The following MCU variants were observed in gnomAD, a reference collection of about 807,000 sequenced individuals.
MCU encodes mitochondrial calcium uniporter.
In MCU, 12 loss-of-function variants were observed where a neutral mutation model predicts 45.2. That is an observed-to-expected ratio of 0.27 (90% CI 0.17 to 0.43). MCU has a LOEUF of 0.43. Among genes scored for constraint, MCU ranks in the 20% least tolerant of loss-of-function variants. The pLI is 1.00. For synonymous variants in MCU, 160 were observed against 165.1 expected, an observed-to-expected ratio of 0.97 and a Z score of 0.24; for missense variants, 324 against 436.7, an observed-to-expected ratio of 0.74 and a Z score of 2.30.
At position 72,886,855 on chromosome 10, in the gene MCU, C is replaced by T. The variant is rs1845782399; in HGVS notation, c.*1033C>T. ...CCACACTGTTTGTGAGCCCTCCCACCTCCACAACTTCAGTTGTAAATCAAG... is the reference window on the plus strand; with the variant it reads ...CCACACTGTTTGTGAGCCCTCCCACTTCCACAACTTCAGTTGTAAATCAAG... On this transcript the variant is annotated 3_prime_UTR_variant, in exon 8 of 8. Transcript: ENST00000373053. 6.6e-6 allele frequency: 1 copy of T among 152,336 alleles called. No homozygotes were observed. The highest frequency in any genetic ancestry group is 2.4e-5 in the African/African-American group (1 of 41,440). 9.4% of individuals were successfully genotyped at this position (152,336 alleles called of 1,614,324 possible).
intron 2 of MCU, among the ~76,000 whole-genome samples, chr10:72,849,251 A>G (rs895100192): frequency 2.1e-5 from 3 of 145,962 alleles, no homozygotes; most frequent in Non-Finnish European, 4.5e-5. Context: ...ACTGCACTCC[A>G]GCGTGGGTGA....
At chr10:72,718,125 C>T (rs1006419538) in intron 1 of MCU, among the ~76,000 whole-genome samples, 6 of 152,046 alleles carry the variant, frequency 3.9e-5, no homozygotes, top group Non-Finnish European at 5.9e-5. Flanking sequence ...TTAGCATGTT[C>T]GTTGAAATAG....
At chr10:72,860,396 G>A (rs1354685793) in intron 3 of MCU, 27 bp from the exon 4 acceptor site, 8 of 1,579,750 alleles carry the variant, frequency 5.1e-6, no homozygotes, top group Non-Finnish European at 7.0e-6. Context: ...ATGGACCTAT[G>A]ACAAGTTTCA....
chr10:72,836,272 A>G (rs1262998405), intron 2 of MCU, among the ~76,000 whole-genome samples: 2 of 152,190 alleles, frequency 1.3e-5, no homozygotes, highest in African/African-American at 2.4e-5. Flanking sequence ...TATATTCATA[A>G]AGAATATCAA....
intron 1 of MCU, among the ~76,000 whole-genome samples, chr10:72,717,057 C>G (rs1184059297): frequency 1.3e-5 from 2 of 151,686 alleles, no homozygotes; most frequent in Non-Finnish European, 2.9e-5. Context: ...GGTCTCACAA[C>G]ATATTAGGCG....
chr10:72,856,381 G>A (rs945877702), intron 2 of MCU, among the ~76,000 whole-genome samples: 1 of 152,008 alleles, frequency 6.6e-6, no homozygotes, highest in Admixed American at 6.6e-5. Flanking sequence ...TCTCAATTAG[G>A]TTTATTTCTT....
chr10:72,857,063 C>T (rs879658672), intron 2 of MCU, among the ~76,000 whole-genome samples: 1 of 152,054 alleles, frequency 6.6e-6, no homozygotes, highest in Non-Finnish European at 1.5e-5. Flanking sequence ...CCTTCTGCCT[C>T]AGCCTCCTGA....
At chr10:72,840,359 C>G (rs1845029699) in intron 2 of MCU, among the ~76,000 whole-genome samples, 1 of 152,036 alleles carries the variant, frequency 6.6e-6, no homozygotes, top group South Asian at 2.1e-4. Context: ...ATTCAAAGGA[C>G]CTTTTGAAAA....
chr10:72,885,870 T>C lies in MCU; in HGVS notation c.*48T>C. 1 of 1,507,466 alleles carries C rather than the reference T, an allele frequency of 6.6e-7. No individual in the cohort carries two copies. The highest frequency in any genetic ancestry group is 9.2e-7 in the Non-Finnish European group (1 of 1,084,560). 93.4% of individuals were successfully genotyped at this position (1,507,466 alleles called of 1,614,324 possible). A position where few individuals can be genotyped will look rare whatever the true frequency, so the allele number is the denominator to read the frequency against. ...TGGCAGAAGGAACACCTGTTTGCCT[T>C]TTTAATTAAAGCATTGCAGGTGGAA... On this transcript the variant is annotated 3_prime_UTR_variant, in exon 8 of 8. Coordinates refer to ENST00000373053, the MANE Select transcript of MCU (RefSeq NM_138357.3).
intron 1 of MCU, among the ~76,000 whole-genome samples, chr10:72,807,429 C>T (rs1844469203): frequency 6.6e-6 from 1 of 150,464 alleles, no homozygotes; most frequent in East Asian, 1.9e-4. Flanking sequence ...TTAATGTGGT[C>T]TAAGCCAAGA....
intron 1 of MCU, among the ~76,000 whole-genome samples, chr10:72,747,672 A>G (rs993090765): frequency 6.6e-6 from 1 of 152,132 alleles, no homozygotes; most frequent in Non-Finnish European, 1.5e-5. Context: ...CCAAAAAAAG[A>G]AAGGAAAAAA....
At chr10:72,882,342 A>G (rs1293014185) in intron 6 of MCU, among the ~76,000 whole-genome samples, 1 of 152,228 alleles carries the variant, frequency 6.6e-6, no homozygotes, top group Non-Finnish European at 1.5e-5. Flanking sequence ...TAAGAGAGAT[A>G]ACCTTAAACT....
intron 1 of MCU, among the ~76,000 whole-genome samples, chr10:72,754,317 A>G (rs1415003987): frequency 6.6e-6 from 1 of 152,236 alleles, no homozygotes; most frequent in East Asian, 1.9e-4. Context: ...ATTTCAATCC[A>G]GGTCTATTTG....
chr10:72,873,551 T>C (rs1033395326), intron 6 of MCU, among the ~76,000 whole-genome samples: 2 of 152,202 alleles, frequency 1.3e-5, no homozygotes, highest in Non-Finnish European at 2.9e-5. Context: ...CCCAGTTCTG[T>C]AGGTTGTCTC....
At chr10:72,820,367 G>C (rs976302339) in intron 1 of MCU, among the ~76,000 whole-genome samples, 7 of 152,078 alleles carry the variant, frequency 4.6e-5, no homozygotes, top group African/African-American at 1.7e-4. Context: ...AGATAGTTTT[G>C]ATATTTCTCA....
chr10:72,717,259 G>A (rs1294042613), intron 1 of MCU, among the ~76,000 whole-genome samples: 1 of 150,996 alleles, frequency 6.6e-6, no homozygotes, highest in Non-Finnish European at 1.5e-5. Flanking sequence ...CTAGGGGATT[G>A]CTTCTTTTTT....
intron 1 of MCU, among the ~76,000 whole-genome samples, chr10:72,757,749 G>A (rs1292352900): frequency 6.6e-6 from 1 of 152,192 alleles, no homozygotes; most frequent in African/African-American, 2.4e-5. Context: ...GTTCTTTGAA[G>A]CAATTGTCAG....
chr10:72,775,819 C>T (rs1015784794), intron 1 of MCU, among the ~76,000 whole-genome samples: 11 of 152,118 alleles, frequency 7.2e-5, no homozygotes, highest in East Asian at 3.9e-4. Flanking sequence ...GATTGAACCA[C>T]GAAGAAATGT....
intron 1 of MCU, among the ~76,000 whole-genome samples, chr10:72,708,694 C>T (rs1367308465): frequency 1.3e-5 from 2 of 152,130 alleles, no homozygotes; most frequent in Non-Finnish European, 2.9e-5. Context: ...TGCCCAGATA[C>T]TACAGTGATG....
Sources: gnomAD v4.1 joint callset for allele counts (sites outside exome capture counted in the v4.1 genomes callset) on GRCh38, gnomAD v4.1.1 for gene constraint, MANE v1.5 for transcripts, NCBI Gene and HGNC (gene_info 2026-07-23, HGNC 2026-07-21) for gene names.